Variants in RYR3 observed in about 807,000 individuals in gnomAD.
The protein encoded by RYR3 is ryanodine receptor 3, also known as brain ryanodine receptor-calcium release channel.
Under a neutral mutation model 584.3 loss-of-function variants are expected in RYR3, and 207 were observed. The ratio of observed to expected loss-of-function variants is 0.35; its 90% confidence interval spans 0.32 to 0.40. The LOEUF (loss-of-function observed/expected upper bound fraction) is 0.40. RYR3 is among the 10% of genes least tolerant of loss of function. The pLI is 1.00. For synonymous variants in RYR3, 2,416 were observed against 2,248.5 expected (o/e 1.07, Z -2.11); for missense variants, 5,616 against 6,089.2 (o/e 0.92, Z 2.59).
At chr15:33,674,408 C>A (rs968097738) in intron 38 of RYR3, among the ~76,000 whole-genome samples, 1 of 152,206 alleles carries the variant, frequency 6.6e-6, no homozygotes, top group African/African-American at 2.4e-5. Flanking sequence ...CCCTCTACCC[C>A]TTCCATATTG....
At chr15:33,558,512 G>T (rs1018771936) in intron 10 of RYR3, among the ~76,000 whole-genome samples, 1 of 152,068 alleles carries the variant, frequency 6.6e-6, no homozygotes, top group African/African-American at 2.4e-5. Flanking sequence ...GGACATTTGG[G>T]TTGGTTCCAA....
chr15:33,341,641 A>G (rs1177038266), intron 1 of RYR3, among the ~76,000 whole-genome samples: 1 of 152,126 alleles, frequency 6.6e-6, no homozygotes, highest in Non-Finnish European at 1.5e-5. Context: ...TTGTTCATTC[A>G]TCATAGAGAG....
At chr15:33,548,758 G>A (rs1327937111) in intron 9 of RYR3, among the ~76,000 whole-genome samples, 1 of 152,190 alleles carries the variant, frequency 6.6e-6, no homozygotes, top group African/African-American at 2.4e-5. Context: ...ATAACCTCAG[G>A]TGGTCGGTTA....
At chr15:33,812,809 C>T (rs1210787775) in intron 72 of RYR3, 54 bp from the exon 73 acceptor site, 15 of 1,570,216 alleles carry the variant, frequency 9.6e-6, no homozygotes, top group Non-Finnish European at 1.3e-5. Context: ...AAGGCTTCTT[C>T]AGTATAAGAA....
chr15:33,576,827 G>C (rs192785925), intron 12 of RYR3, among the ~76,000 whole-genome samples: 1 of 152,268 alleles, frequency 6.6e-6, no homozygotes, highest in Non-Finnish European at 1.5e-5. Flanking sequence ...AAGTCAAACT[G>C]TCTCTGTTTG....
intron 86 of RYR3, among the ~76,000 whole-genome samples, chr15:33,834,326 T>TACA (rs1567276017): frequency 2.0e-4 from 14 of 69,496 alleles, no homozygotes; most frequent in Non-Finnish European, 4.0e-4. Context: ...ACACACACAG[T>TACA]GAGATTAACA....
At chr15:33,479,211 A>G (rs2049727206) in intron 2 of RYR3, among the ~76,000 whole-genome samples, 1 of 152,194 alleles carries the variant, frequency 6.6e-6, no homozygotes, top group African/African-American at 2.4e-5. Flanking sequence ...TTAAGATTGC[A>G]TCTTTGGCTA....
At chr15:33,845,561 CCTT>C (rs1567306587) in intron 93 of RYR3, among the ~76,000 whole-genome samples, 1 of 152,016 alleles carries the variant, frequency 6.6e-6, no homozygotes, top group Non-Finnish European at 1.5e-5. Flanking sequence ...GCCCCTAAGT[CCTT>C]TAACTCAGAA....
intron 3 of RYR3, among the ~76,000 whole-genome samples, chr15:33,519,287 C>G (rs578001505): frequency 6.6e-6 from 1 of 152,262 alleles, no homozygotes; most frequent in South Asian, 2.1e-4. Flanking sequence ...TTGTGTCTTT[C>G]TATCTATCAT....
At chr15:33,451,661 A>T (rs1003738147) in intron 1 of RYR3, among the ~76,000 whole-genome samples, 1 of 152,232 alleles carries the variant, frequency 6.6e-6, no homozygotes, top group Non-Finnish European at 1.5e-5. Flanking sequence ...TCCAGTGCAG[A>T]CAGGAGTCAA....
Position 33,841,154 on chromosome 15 carries a change from C to A in RYR3, c.13037+271C>A, listed in dbSNP as rs139690137. Among the ~76,000 whole-genome samples, 57 of 152,114 alleles carry A rather than the reference C, an allele frequency of 3.7e-4. No homozygotes were observed. The East Asian group carries it at 9.3e-3, about 25-fold the overall frequency. On this transcript the variant is annotated intron_variant, in intron 90 of 103. Coordinates refer to ENST00000634891, the MANE Select transcript of RYR3 (RefSeq NM_001036.6). ...ATTGCTTGAGCCCAGGAGGTCGAGGCTGCAGTGAGCCAAGATCACATCACT... is the reference window on the plus strand; with the variant it reads ...ATTGCTTGAGCCCAGGAGGTCGAGGATGCAGTGAGCCAAGATCACATCACT...
chr15:33,597,152 G>A (rs2059417448), intron 16 of RYR3, among the ~76,000 whole-genome samples: 1 of 152,118 alleles, frequency 6.6e-6, no homozygotes, highest in Non-Finnish European at 1.5e-5. Context: ...GTTTTGGGCT[G>A]GGCTTGTAGT....
chr15:33,489,750 T>C (rs1159324896), intron 2 of RYR3, among the ~76,000 whole-genome samples: 1 of 152,230 alleles, frequency 6.6e-6, no homozygotes, highest in East Asian at 1.9e-4. Flanking sequence ...CGAATGGTGG[T>C]TCTGCTTTTA....
chr15:33,545,083 G>T (rs980411732), intron 8 of RYR3, among the ~76,000 whole-genome samples: 1 of 152,050 alleles, frequency 6.6e-6, no homozygotes, highest in East Asian at 1.9e-4. Flanking sequence ...AGTTTTGCAG[G>T]GTTGTCTGTA....
At chr15:33,780,404 A>G in intron 65 of RYR3, 63 bp downstream of exon 65, 1 of 1,565,938 alleles carries the variant, frequency 6.4e-7, no homozygotes, top group Non-Finnish European at 8.7e-7. Flanking sequence ...GGAGCCACAC[A>G]GGCAGGGAGC....
intron 12 of RYR3, among the ~76,000 whole-genome samples, chr15:33,579,104 A>G (rs902515343): frequency 2.0e-5 from 3 of 152,178 alleles, no homozygotes; most frequent in African/African-American, 7.2e-5. Flanking sequence ...AGGGCAGGTA[A>G]CATGGGGTTG....
At chr15:33,366,751 A>G (rs1008306006) in intron 1 of RYR3, among the ~76,000 whole-genome samples, 1 of 152,228 alleles carries the variant, frequency 6.6e-6, no homozygotes, top group Non-Finnish European at 1.5e-5. Context: ...CTGGAGACAC[A>G]GTAGATGGCT....
intron 19 of RYR3, among the ~76,000 whole-genome samples, chr15:33,618,994 T>C (rs989348402): frequency 6.6e-6 from 1 of 152,196 alleles, no homozygotes; most frequent in Admixed American, 6.5e-5. Flanking sequence ...ATTTGTCCTG[T>C]GTTTTCAAAA....
At chr15:33,699,134 G>A (rs1329662025) in intron 40 of RYR3, among the ~76,000 whole-genome samples, 1 of 152,092 alleles carries the variant, frequency 6.6e-6, no homozygotes, top group East Asian at 1.9e-4. Flanking sequence ...TTTCAGACTT[G>A]CGTAACTGTA....
Sources: gnomAD v4.1 joint callset for allele counts (sites outside exome capture counted in the v4.1 genomes callset) on GRCh38, gnomAD v4.1.1 for gene constraint, MANE v1.5 for transcripts, NCBI Gene and HGNC (gene_info 2026-07-23, HGNC 2026-07-21) for gene names.